The following ATP8B2 variants were observed in gnomAD, a reference collection of about 807,000 sequenced individuals.
ATP8B2 encodes the protein ATPase phospholipid transporting 8B2.
ATP8B2 carries 70 observed loss-of-function variants against 133.4 expected under a neutral mutation model. That is an observed-to-expected ratio of 0.52 (90% CI 0.43 to 0.64). ATP8B2 has a LOEUF of 0.64. Among genes scored for constraint, ATP8B2 ranks in the 30% least tolerant of loss-of-function variants. ATP8B2 has a pLI of 0.00. For synonymous variants in ATP8B2, 517 were observed against 589.5 expected (o/e 0.88, Z 1.78); for missense variants, 1,101 against 1,535.7 (o/e 0.72, Z 4.73).
intron 11 of ATP8B2, 79 bp from the exon 12 acceptor site, chr1:154,337,269 G>A (rs1334927790): frequency 6.6e-7 from 1 of 1,507,230 alleles, no homozygotes; most frequent in African/African-American, 1.4e-5. Flanking sequence ...GGGCTCAAGG[G>A]ATGAATACAT....
At chr1:154,327,819 T>C (rs1251998366) in intron 1 of ATP8B2, 1 of 1,613,916 alleles carries the variant, frequency 6.2e-7, no homozygotes, top group Admixed American at 1.7e-5. Flanking sequence ...TTGAGAGCTG[T>C]TCCCCTTTTT....
intron 2 of ATP8B2, chr1:154,329,168 C>T: frequency 8.9e-7 from 1 of 1,117,490 alleles, no homozygotes; most frequent in South Asian, 1.6e-5. Context: ...CCCCTACCTG[C>T]CTTGATCCTC....
At chr1:154,341,088 G>A (rs1436733778) in intron 13 of ATP8B2, 26 bp downstream of exon 13, 3 of 1,612,270 alleles carry the variant, frequency 1.9e-6, no homozygotes, top group Non-Finnish European at 1.7e-6. Context: ...TGGGGACTGG[G>A]GGCTTGCACC....
chr1:154,343,749 C>T lies in ATP8B2; in HGVS notation c.1759-144C>T. 1.8e-6 allele frequency: 2 copies of T among 1,109,150 alleles called. No individual in the cohort carries two copies. The highest frequency in any genetic ancestry group is 1.5e-5 in the South Asian group (1 of 64,704). 68.7% of individuals were successfully genotyped at this position (1,109,150 alleles called of 1,614,324 possible). ...CACATCAGCCAGCTCCCATAGTTAC[C>T]TCTTTTTATGTATGTGGTGACAGTC... On this transcript the variant is annotated intron_variant, in intron 17 of 27. Coordinates refer to ENST00000368489, the MANE Select transcript of ATP8B2 (RefSeq NM_001370597.1). The surrounding 1 kb of genome is among the most constrained non-coding windows in gnomAD (Gnocchi z 5.8).
Position 154,331,061 on chromosome 1 carries a change from T to A in ATP8B2, c.218T>A (p.Ile73Asn). The change falls in exon 5 of 28, where the codon ATC becomes AAC. Residue 73 changes from isoleucine to asparagine, a missense_variant. By Grantham distance (149) the Ile-to-Asn change is moderately radical. Transcript: ENST00000368489. The surrounding 1 kb of genome is among the most constrained non-coding windows in gnomAD (Gnocchi z 4.8). ...TCTTTTTTTCAGTTGATCCCCCAGA[T>A]CTCTTCCCTGTCCTGGTTCACCACC... ...FLLILQLIPQ[I>N]SSLSWFTTIV... 1 of 1,614,018 alleles carries A rather than the reference T, an allele frequency of 6.2e-7. No homozygotes were observed. The highest frequency in any genetic ancestry group is 8.5e-7 in the Non-Finnish European group (1 of 1,179,912).
Position 154,344,809 on chromosome 1 carries a change from G to A in ATP8B2, c.2286+24G>A. On this transcript the variant is annotated intron_variant, in intron 21 of 27. Transcript: ENST00000368489. This position sits in a 1 kb window ranked among gnomAD's most constrained non-coding sequence, Gnocchi z 4.1. ...TGGTAGGCATCGCTATCCTTAGCTT[G>A]GGCAGTATCTTTCCAGTGAGCACTT... The A allele has an allele frequency of 6.3e-7, 1 of 1,581,884 alleles. No homozygotes were observed. The highest frequency in any genetic ancestry group is 8.6e-7 in the Non-Finnish European group (1 of 1,158,796).
intron 12 of ATP8B2, among the ~76,000 whole-genome samples, chr1:154,339,920 G>T (rs983616238): frequency 1.3e-5 from 2 of 152,164 alleles, no homozygotes; most frequent in African/African-American, 2.4e-5. Flanking sequence ...GGTGGCTGTC[G>T]CCTGTAATCC....
chr1:154,345,058 T>A lies in ATP8B2; in HGVS notation c.2374T>A (p.Leu792Met). ...TGTCATCTGCTGCCGGGTGACCCCC[T>A]TGCAGAAGGCACAGGTGGTAGAACT... ...KAVICCRVTP[L>M]QKAQVVELVK... The change falls in exon 22 of 28, where the codon TTG becomes ATG. Residue 792 changes from leucine to methionine, a missense_variant. Physicochemically the swap from Leu to Met is conservative, Grantham distance 15 (BLOSUM62 2). Transcript: ENST00000368489. The surrounding 1 kb of genome is among the most constrained non-coding windows in gnomAD (Gnocchi z 5.6). 6.2e-7 allele frequency: 1 copy of A among 1,614,180 alleles called. No homozygotes were observed. The highest frequency in any genetic ancestry group is 1.6e-4 in the Middle Eastern group (1 of 6,062).
In ATP8B2 at chr1:154,349,203, G is replaced by A. The variant is rs1340932726; in HGVS notation, c.*85G>A. On this transcript the variant is annotated 3_prime_UTR_variant, in exon 28 of 28. Transcript: ENST00000368489. ...AGGGAACAGCGTCTCGGAACTGCTG[G>A]TCCTCATTCCTTGCTTCCCGTCCCC... is the stretch of plus-strand genomic sequence containing the variant. 3.3e-6 allele frequency: 5 copies of A among 1,494,988 alleles called. No individual in the cohort carries two copies. The highest frequency in any genetic ancestry group is 4.5e-6 in the Non-Finnish European group (5 of 1,107,510). The allele number at this position is 1,494,988 out of a possible 1,614,324, so 92.6% of individuals were successfully genotyped here.
In ATP8B2 at chr1:154,350,814, T is replaced by G. The variant is rs1019304211; in HGVS notation, c.*1696T>G. On this transcript the variant is annotated 3_prime_UTR_variant, in exon 28 of 28. Coordinates refer to ENST00000368489, the MANE Select transcript of ATP8B2 (RefSeq NM_001370597.1). ...CAGCCTTGAGAAGAATCCTTTCCTC[T>G]TCTTTGATAGTGGGTCGGGGGATTC... The G allele has an allele frequency of 2.0e-5, 3 of 152,410 alleles. No individual in the cohort carries two copies. The allele number at this position is 152,410 out of a possible 1,614,324, so 9.4% of individuals were successfully genotyped here. A position where few individuals can be genotyped will look rare whatever the true frequency, so the allele number is the denominator to read the frequency against.
Position 154,331,421 on chromosome 1 carries a change from C to T in ATP8B2, c.304-23C>T, listed in dbSNP as rs768751411. On this transcript the variant is annotated intron_variant, in intron 5 of 27. Coordinates refer to ENST00000368489, the MANE Select transcript of ATP8B2 (RefSeq NM_001370597.1). This position sits in a 1 kb window ranked among gnomAD's most constrained non-coding sequence, Gnocchi z 4.8. ...CTTCGAGGCGGGGGAAGGTGTCTTA[C>T]CTTTCAGTTTTCTTCTTTTCAGTTC... The T allele has an allele frequency of 6.2e-7, 1 of 1,612,764 alleles. No homozygotes were observed. Among genetic ancestry groups the T allele is most frequent in the Admixed American group, 1.7e-5 (1 of 60,002 alleles).
In ATP8B2 at chr1:154,340,155, G is replaced by C. The variant is rs1055978994; in HGVS notation, c.1035-699G>C. 2.0e-5 allele frequency among the ~76,000 whole-genome samples: 3 copies of C among 152,158 alleles called. No individual in the cohort carries two copies. ...TGATTACACTACTGCACTCCAGCTT[G>C]GGTGACAGAGACCCTAGCTCAAAAA... is the stretch of plus-strand genomic sequence containing the variant. On this transcript the variant is annotated intron_variant, in intron 12 of 27. Transcript: ENST00000368489. The surrounding 1 kb of genome is among the most constrained non-coding windows in gnomAD (Gnocchi z 4.0).
At position 154,340,808 on chromosome 1, in the gene ATP8B2, C is replaced by T. The variant is rs1686353924; in HGVS notation, c.1035-46C>T. 6.3e-7 allele frequency: 1 copy of T among 1,590,202 alleles called. No individual in the cohort carries two copies. The highest frequency in any genetic ancestry group is 1.3e-5 in the African/African-American group (1 of 74,536). Reference sequence around the variant, plus strand: ...GCGAAGGCCCATGTGGGTGGGGCACCTCCTCTTCTTCCCGACCCAAGCCTC... The same window carrying T: ...GCGAAGGCCCATGTGGGTGGGGCACTTCCTCTTCTTCCCGACCCAAGCCTC... On this transcript the variant is annotated intron_variant, in intron 12 of 27. Transcript: ENST00000368489. The surrounding 1 kb of genome is among the most constrained non-coding windows in gnomAD (Gnocchi z 4.0).
In ATP8B2 at chr1:154,328,279, T is replaced by A; in HGVS notation, c.31+107T>A. The A allele has an allele frequency of 8.1e-7, 1 of 1,236,580 alleles. No individual in the cohort carries two copies. Among genetic ancestry groups the A allele is most frequent in the South Asian group, 1.2e-5 (1 of 82,580 alleles). 76.6% of individuals were successfully genotyped at this position (1,236,580 alleles called of 1,614,324 possible). ...CAACTGGTATGGGTCTGAGGGAGGG[T>A]AGCTTACAGCAGCCCCTACCCAGCT... On this transcript the variant is annotated intron_variant, in intron 2 of 27. Transcript: ENST00000368489. This position sits in a 1 kb window ranked among gnomAD's most constrained non-coding sequence, Gnocchi z 4.6.
In ATP8B2 at chr1:154,343,090, G is replaced by A. The variant is rs769879948; in HGVS notation, c.1454-23G>A. 19 of 1,606,198 alleles carry A rather than the reference G, an allele frequency of 1.2e-5. No individual in the cohort carries two copies. Among genetic ancestry groups the A allele is most frequent in the Middle Eastern group, 1.7e-4 (1 of 6,050 alleles). ...GGCTGAGGGAAGCCACTTATATCAC[G>A]TGTATTCTTCCTCCCCACCCAGGAG... is the stretch of plus-strand genomic sequence containing the variant. On this transcript the variant is annotated intron_variant, in intron 15 of 27. Coordinates refer to ENST00000368489, the MANE Select transcript of ATP8B2 (RefSeq NM_001370597.1). The surrounding 1 kb of genome is among the most constrained non-coding windows in gnomAD (Gnocchi z 5.8).
Position 154,345,204 on chromosome 1 carries a change from G to A in ATP8B2, c.2470+50G>A, listed in dbSNP as rs1411445497. 1 of 1,600,736 alleles carries A rather than the reference G, an allele frequency of 6.2e-7. No individual in the cohort carries two copies. Among genetic ancestry groups the A allele is most frequent in the South Asian group, 1.1e-5 (1 of 89,626 alleles). ...TAGGCTGGGCTTGAGGCTGGGGAGG[G>A]GCCCACTGAGGTCTCTGGACTGCAG... On this transcript the variant is annotated intron_variant, in intron 22 of 27. Coordinates refer to ENST00000368489, the MANE Select transcript of ATP8B2 (RefSeq NM_001370597.1). This position sits in a 1 kb window ranked among gnomAD's most constrained non-coding sequence, Gnocchi z 5.6.
chr1:154,337,688 TC>T (rs746224091), intron 12 of ATP8B2, 144 bp downstream of exon 12: 1 of 1,580,562 alleles, frequency 6.3e-7, no homozygotes, highest in South Asian at 1.2e-5. Flanking sequence ...TATCTGTTTA[TC>T]TTTGTGGGCA....
chr1:154,341,457 A>AC (rs1406963735), intron 13 of ATP8B2: 2 of 305,064 alleles, frequency 6.6e-6, no homozygotes, highest in African/African-American at 4.4e-5. Flanking sequence ...CTTCCACTGC[A>AC]CTCCAGCCTG....
At position 154,343,869 on chromosome 1, in the gene ATP8B2, T is replaced by C; in HGVS notation, c.1759-24T>C. On this transcript the variant is annotated intron_variant, in intron 17 of 27. Transcript: ENST00000368489. This position sits in a 1 kb window ranked among gnomAD's most constrained non-coding sequence, Gnocchi z 5.8. ...CATTAGCTCTCCAGACTTACCCAGG[T>C]GTGCCTTTCCACTCTGCCTCCAGGA... The C allele has an allele frequency of 6.3e-7, 1 of 1,588,352 alleles. No individual in the cohort carries two copies. The highest frequency in any genetic ancestry group is 1.1e-5 in the South Asian group (1 of 87,940).
Sources: gnomAD v4.1 joint callset for allele counts (sites outside exome capture counted in the v4.1 genomes callset) on GRCh38, gnomAD v4.1.1 for gene constraint, Gnocchi (gnomAD v3.1) non-coding constraint, MANE v1.5 for transcripts, NCBI Gene and HGNC (gene_info 2026-07-23, HGNC 2026-07-21) for gene names.